TMEM232: variants seen among roughly 807,000 people sequenced by gnomAD.
TMEM232 encodes transmembrane protein 232.
TMEM232 carries 80 observed loss-of-function variants against 78.8 expected under a neutral mutation model. The observed-to-expected ratio is 1.01, with a 90% CI of 0.85 to 1.22. The LOEUF (loss-of-function observed/expected upper bound fraction) is 1.22, where lower values mean the gene tolerates loss of function less well. TMEM232 is among the 50% of genes most tolerant of loss of function. The pLI, the probability that TMEM232 is intolerant of heterozygous loss-of-function variation, is 0.00. For synonymous variants in TMEM232, 297 were observed against 254.3 expected (o/e 1.17, Z -1.60); for missense variants, 881 against 742.2 (o/e 1.19, Z -2.17).
chr5:110,616,483 T>C (rs1422860688), intron 8 of TMEM232, among the ~76,000 whole-genome samples: 1 of 151,958 alleles, frequency 6.6e-6, no homozygotes, highest in African/African-American at 2.4e-5. Context: ...ACCCACATAT[T>C]TAAAGAAAAT....
rs149644485 is a variant in TMEM232 at position 110,456,655 on chromosome 5, G to T, written c.1704-31739C>A. 6.7e-3 allele frequency among the ~76,000 whole-genome samples: 1,020 copies of T among 152,180 alleles called. 19 individuals are homozygous for T. The highest frequency in any genetic ancestry group is 0.023 in the African/African-American group (945 of 41,536). ...GAGCTACAAAAAGTCAGAGAGTGTG[G>T]TATTGACCTCAAGACAGACAATTAG... On this transcript the variant is annotated intron_variant, in intron 12 of 13. Coordinates refer to ENST00000455884, the MANE Select transcript of TMEM232 (RefSeq NM_001039763.4).
chr5:110,512,341 G>T (rs916671125), intron 12 of TMEM232, among the ~76,000 whole-genome samples: 5 of 152,156 alleles, frequency 3.3e-5, no homozygotes, highest in African/African-American at 1.2e-4. Context: ...AATAACTTTT[G>T]GTGGACAACC....
At position 110,514,298 on chromosome 5, in the gene TMEM232, T is replaced by C. The variant is rs1337630581; in HGVS notation, c.1703+14290A>G. Among the ~76,000 whole-genome samples the C allele has an allele frequency of 2.6e-5, 4 of 152,134 alleles. No homozygotes were observed. The East Asian group carries it at 7.7e-4, about 29-fold the overall frequency. ...CAAAAAGGAAATCATCATGAACCCGTATGTTCTCTTGAAAAGTTGCCAGCA... is the reference window on the plus strand; with the variant it reads ...CAAAAAGGAAATCATCATGAACCCGCATGTTCTCTTGAAAAGTTGCCAGCA... On this transcript the variant is annotated intron_variant, in intron 12 of 13. Transcript: ENST00000455884.
chr5:110,666,233 GA>G (rs1328429718), intron 2 of TMEM232, among the ~76,000 whole-genome samples: 1 of 152,078 alleles, frequency 6.6e-6, no homozygotes, highest in African/African-American at 2.4e-5. Context: ...CTGGTAGGCT[GA>G]AAAAGATTAT....
chr5:110,391,326 T>TGTGTGTGTGTGAGA lies in TMEM232; in HGVS notation n.391-687_391-686insTCTCACACACACAC, dbSNP rs549361387. Reference sequence around the variant, plus strand: ...GTGTGTGTGTGTGTGTGTGTGTGTGTGAGAGAGAGAGAGAGAGAGAGAAAC... The same window carrying TGTGTGTGTGTGAGA: ...GTGTGTGTGTGTGTGTGTGTGTGTGTGTGTGTGTGTGAGAGAGAGAGAGAGAGAGAGAGAGAAAC... On this transcript the variant is annotated intron_variant and non_coding_transcript_variant, in intron 3 of 8. Transcript: ENST00000507188. 5.7e-3 allele frequency among the ~76,000 whole-genome samples: 803 copies of TGTGTGTGTGTGAGA among 139,856 alleles called. 10 individuals carry two copies. The highest frequency in any genetic ancestry group is 0.021 in the African/African-American group (726 of 33,966). 91.8% of individuals were successfully genotyped at this position (139,856 alleles called of 152,430 possible).
At position 110,400,802 on chromosome 5, in the gene TMEM232, G is replaced by A. The variant is rs544377864; in HGVS notation, n.309-2948C>T. 3.4e-4 allele frequency among the ~76,000 whole-genome samples: 51 copies of A among 152,086 alleles called. No homozygotes were observed. The East Asian group carries it at 4.5e-3, about 13-fold the overall frequency. ...AAACTAAGTGGTATTATTTTGGGGC[G>A]GGGGAACATCCCTGGTTATCATACT... On this transcript the variant is annotated intron_variant and non_coding_transcript_variant, in intron 2 of 8. Transcript: ENST00000507188.
At chr5:110,500,846 A>G (rs1766188637) in intron 12 of TMEM232, among the ~76,000 whole-genome samples, 1 of 152,206 alleles carries the variant, frequency 6.6e-6, no homozygotes, top group African/African-American at 2.4e-5. Context: ...TACAGAGCTG[A>G]AATGACAAGA....
At chr5:110,575,533 T>G (rs1777473897) in intron 10 of TMEM232, among the ~76,000 whole-genome samples, 1 of 152,058 alleles carries the variant, frequency 6.6e-6, no homozygotes, top group African/African-American at 2.4e-5. Context: ...GATGGCTGAC[T>G]AGAAGCAGCT....
intron 10 of TMEM232, among the ~76,000 whole-genome samples, chr5:110,604,332 T>C (rs7717173): frequency 0.063 from 9,528 of 152,176 alleles, 1,028 homozygotes; most frequent in African/African-American, 0.22. Flanking sequence ...ATAAATACAG[T>C]AGCAAAATGA....
At chr5:110,683,924 C>T (rs974908386) in intron 1 of TMEM232, among the ~76,000 whole-genome samples, 2 of 151,930 alleles carry the variant, frequency 1.3e-5, no homozygotes, top group African/African-American at 4.8e-5. Context: ...CAGACCATAA[C>T]ATTGGTGTAT....
At chr5:110,560,369 C>T (rs574704498) in intron 11 of TMEM232, among the ~76,000 whole-genome samples, 2 of 152,098 alleles carry the variant, frequency 1.3e-5, no homozygotes, top group African/African-American at 2.4e-5. Context: ...GAAGATATTA[C>T]AAAAATGCTT....
chr5:110,617,279 G>A (rs1398181236), intron 8 of TMEM232, among the ~76,000 whole-genome samples: 1 of 152,286 alleles, frequency 6.6e-6, no homozygotes, highest in Non-Finnish European at 1.5e-5. Context: ...GAGTAAGGAA[G>A]ATGGGCAAAA....
rs1171470780 is a variant in TMEM232, at chr5:110,667,211, A to G, written c.125+17T>C. On this transcript the variant is annotated intron_variant, in intron 2 of 13. Coordinates refer to ENST00000455884, the MANE Select transcript of TMEM232 (RefSeq NM_001039763.4). ...CTCTACAATACATATGGGTCCTATA[A>G]TTATTTTCTAGCTTACCTTGATTTA... 3 of 1,531,994 alleles carry G rather than the reference A, an allele frequency of 2.0e-6. No homozygotes were observed. Among genetic ancestry groups the G allele is most frequent in the Non-Finnish European group, 2.6e-6 (3 of 1,135,430 alleles). 94.9% of individuals were successfully genotyped at this position (1,531,994 alleles called of 1,614,324 possible).
At chr5:110,716,157 G>A (rs532250777) in intron 1 of TMEM232, among the ~76,000 whole-genome samples, 2 of 152,114 alleles carry the variant, frequency 1.3e-5, no homozygotes, top group South Asian at 4.1e-4. Context: ...GTCTCCTGAG[G>A]ACTGTGTCAT....
chr5:110,641,906 G>A (rs1786778158), intron 3 of TMEM232, among the ~76,000 whole-genome samples: 2 of 152,070 alleles, frequency 1.3e-5, no homozygotes, highest in South Asian at 4.1e-4. Context: ...AAAGAACAGA[G>A]TACTTTGTGC....
upstream of TMEM232, among the ~76,000 whole-genome samples, chr5:110,729,522 T>G (rs1798472639): frequency 1.3e-5 from 2 of 152,200 alleles, no homozygotes; most frequent in Non-Finnish European, 2.9e-5. Context: ...TGGGAAGTGG[T>G]GTTTCATCAT....
At chr5:110,586,734 A>C (rs1778860752) in intron 10 of TMEM232, among the ~76,000 whole-genome samples, 1 of 152,158 alleles carries the variant, frequency 6.6e-6, no homozygotes, top group African/African-American at 2.4e-5. Context: ...AAAACAGCAC[A>C]GCAAGGGAAG....
chr5:110,408,625 A>G (rs1755880326), intron 2 of TMEM232, among the ~76,000 whole-genome samples: 1 of 152,036 alleles, frequency 6.6e-6, no homozygotes, highest in Admixed American at 6.6e-5. Flanking sequence ...AAAAAAACCA[A>G]AAGGTGAAAC....
chr5:110,474,447 A>T (rs1016174955), intron 12 of TMEM232, among the ~76,000 whole-genome samples: 3 of 151,870 alleles, frequency 2.0e-5, no homozygotes, highest in African/African-American at 7.2e-5. Flanking sequence ...CCTACAGCTA[A>T]TATCACCTTT....
Sources: gnomAD v4.1 joint callset for allele counts (sites outside exome capture counted in the v4.1 genomes callset) on GRCh38, gnomAD v4.1.1 for gene constraint, MANE v1.5 for transcripts, NCBI Gene and HGNC (gene_info 2026-07-23, HGNC 2026-07-21) for gene names.